Variants in WWOX observed in about 807,000 individuals in gnomAD.
WWOX encodes WW domain containing oxidoreductase, also known as WW domain-containing oxidoreductase.
WWOX carries 69 observed loss-of-function variants against 46.2 expected under a neutral mutation model. That is an observed-to-expected ratio of 1.49 (90% confidence interval 1.23 to 1.82). The LOEUF (loss-of-function observed/expected upper bound fraction) is 1.82. WWOX is among the 40% of genes most tolerant of loss of function. WWOX has a pLI of 0.00. For synonymous variants in WWOX, 359 were observed against 202.6 expected, an observed-to-expected ratio of 1.77 and a Z score of -6.56; for missense variants, 919 against 542.6, an observed-to-expected ratio of 1.69 and a Z score of -6.89.
At chr16:78,621,592 C>CTTTTCTTTTT (rs2046184654) in intron 8 of WWOX, among the ~76,000 whole-genome samples, 1 of 31,512 alleles carries the variant, frequency 3.2e-5, no homozygotes, top group Non-Finnish European at 5.9e-5. Flanking sequence ...TTGTTCTAAT[C>CTTTTCTTTTT]TTTTTTTTTT....
chr16:78,573,303 C>G (rs929664160), intron 8 of WWOX, among the ~76,000 whole-genome samples: 1 of 151,958 alleles, frequency 6.6e-6, no homozygotes, highest in East Asian at 1.9e-4. Flanking sequence ...ACAAACAAAA[C>G]AAAACAAAAA....
At chr16:78,661,005 A>G (rs370281393) in intron 8 of WWOX, among the ~76,000 whole-genome samples, 2 of 152,182 alleles carry the variant, frequency 1.3e-5, no homozygotes, top group Admixed American at 1.3e-4. Flanking sequence ...AGTTAGATCC[A>G]TGTCTTACTA....
At chr16:78,667,532 G>T (rs902439529) in intron 8 of WWOX, among the ~76,000 whole-genome samples, 2 of 151,896 alleles carry the variant, frequency 1.3e-5, no homozygotes, top group Non-Finnish European at 2.9e-5. Context: ...TTAGCCAGGC[G>T]TGGTGGCAGG....
intron 8 of WWOX, among the ~76,000 whole-genome samples, chr16:78,438,321 A>G (rs1410810420): frequency 1.3e-5 from 2 of 152,184 alleles, no homozygotes; most frequent in African/African-American, 4.8e-5. Flanking sequence ...TTCACTTGCT[A>G]ATTGCAGCTG....
At chr16:78,327,124 C>G (rs955462758) in intron 5 of WWOX, among the ~76,000 whole-genome samples, 1 of 152,118 alleles carries the variant, frequency 6.6e-6, no homozygotes, top group Non-Finnish European at 1.5e-5. Context: ...CTAAGTGACC[C>G]CACACTGAAG....
At chr16:79,086,545 T>C (rs1040604143) in intron 8 of WWOX, among the ~76,000 whole-genome samples, 1 of 152,178 alleles carries the variant, frequency 6.6e-6, no homozygotes, top group African/African-American at 2.4e-5. Context: ...AATGCTTCTC[T>C]CCCTCTGGAG....
chr16:78,487,263 G>C (rs552551224), intron 8 of WWOX, among the ~76,000 whole-genome samples: 3 of 151,760 alleles, frequency 2.0e-5, no homozygotes, highest in African/African-American at 7.3e-5. Flanking sequence ...CTGTAGACAG[G>C]TGCTAGGTTT....
At chr16:78,824,894 C>T (rs1463877195) in intron 8 of WWOX, among the ~76,000 whole-genome samples, 2 of 152,144 alleles carry the variant, frequency 1.3e-5, no homozygotes, top group African/African-American at 2.4e-5. Context: ...GAGGAAGCGA[C>T]ACACCTTTCC....
chr16:78,396,111 G>T (rs2082279360), intron 6 of WWOX, among the ~76,000 whole-genome samples: 2 of 152,170 alleles, frequency 1.3e-5, no homozygotes, highest in East Asian at 1.9e-4. Flanking sequence ...ACAGTGCCAA[G>T]AACTTGGCTA....
At chr16:78,611,998 T>G (rs575851317) in intron 8 of WWOX, among the ~76,000 whole-genome samples, 1 of 152,294 alleles carries the variant, frequency 6.6e-6, no homozygotes, top group African/African-American at 2.4e-5. Flanking sequence ...GTCAAGAAGA[T>G]TCAATAGGCA....
At chr16:78,731,708 G>A (rs549947408) in intron 8 of WWOX, among the ~76,000 whole-genome samples, 28 of 152,128 alleles carry the variant, frequency 1.8e-4, no homozygotes, top group Non-Finnish European at 3.1e-4. Context: ...TGGAAAGCCT[G>A]TAAGAAGAAG....
intron 8 of WWOX, among the ~76,000 whole-genome samples, chr16:78,992,943 GTC>G (rs1394601430): frequency 2.1e-5 from 1 of 48,576 alleles, no homozygotes; most frequent in East Asian, 6.8e-4. Flanking sequence ...CTCCATTAGA[GTC>G]TCATCTTTAA....
At chr16:78,835,086 A>AG (rs1567593302) in intron 8 of WWOX, among the ~76,000 whole-genome samples, 2 of 152,016 alleles carry the variant, frequency 1.3e-5, no homozygotes, top group African/African-American at 4.8e-5. Flanking sequence ...TGGAGGAGGA[A>AG]GCTCCAAAAA....
At chr16:78,508,656 G>A (rs2085278408) in intron 8 of WWOX, among the ~76,000 whole-genome samples, 1 of 152,184 alleles carries the variant, frequency 6.6e-6, no homozygotes, top group African/African-American at 2.4e-5. Context: ...GTAGTTGAAA[G>A]CTGATGGTGC....
At chr16:79,081,418 C>A (rs993642572) in intron 8 of WWOX, among the ~76,000 whole-genome samples, 7 of 152,186 alleles carry the variant, frequency 4.6e-5, no homozygotes, top group Non-Finnish European at 8.8e-5. Context: ...TCCACTTTGG[C>A]CTCCCAAAGC....
chr16:78,483,006 C>A (rs539149428), intron 8 of WWOX, among the ~76,000 whole-genome samples: 1 of 152,078 alleles, frequency 6.6e-6, no homozygotes, highest in Non-Finnish European at 1.5e-5. Flanking sequence ...GAAAAGGAGT[C>A]AAACATTTAG....
chr16:78,898,268 C>G (rs1047602378), intron 8 of WWOX: 1 of 152,122 alleles, frequency 6.6e-6, no homozygotes, highest in African/African-American at 2.4e-5. Context: ...CACTCCATAA[C>G]TTCAATCTTT....
chr16:78,914,298 G>T (rs1173200295), intron 8 of WWOX, among the ~76,000 whole-genome samples: 1 of 151,996 alleles, frequency 6.6e-6, no homozygotes, highest in Admixed American at 6.6e-5. Flanking sequence ...AGCTGCCAGA[G>T]AGCAGGGACC....
chr16:78,428,131 G>A (rs964631837), intron 7 of WWOX, among the ~76,000 whole-genome samples: 1 of 152,190 alleles, frequency 6.6e-6, no homozygotes, highest in African/African-American at 2.4e-5. Flanking sequence ...ATTTGTGAGG[G>A]GCGGGGGTCC....
Sources: gnomAD v4.1 joint callset for allele counts (sites outside exome capture counted in the v4.1 genomes callset) on GRCh38, gnomAD v4.1.1 for gene constraint, MANE v1.5 for transcripts, NCBI Gene and HGNC (gene_info 2026-07-23, HGNC 2026-07-21) for gene names.